The following IBTK variants were observed in gnomAD, a reference collection of about 807,000 sequenced individuals.
The protein encoded by IBTK is inhibitor of Bruton tyrosine kinase.
A neutral mutation model predicts 154.9 loss-of-function variants in IBTK; 83 were observed. The ratio of observed to expected loss-of-function variants is 0.54; its 90% CI spans 0.45 to 0.64. The LOEUF (loss-of-function observed/expected upper bound fraction) is 0.64. Ranked by LOEUF, IBTK falls within the 30% of genes least tolerant of loss-of-function variation. The probability of loss-of-function intolerance (pLI) is 0.00; values close to 1 mark genes in which losing one functional copy is unlikely to be tolerated. For missense variants in IBTK, 1,332 were observed against 1,584.6 expected (o/e 0.84, Z 2.71); for synonymous variants, 515 against 536.1 (o/e 0.96, Z 0.54).
intron 18 of IBTK, among the ~76,000 whole-genome samples, chr6:82,201,983 C>T (rs1267167880): frequency 2.6e-5 from 4 of 152,124 alleles, no homozygotes; most frequent in Non-Finnish European, 4.4e-5. Context: ...GCCTCAGCCT[C>T]CCAAAGTGCT....
Position 82,170,020 on chromosome 6 carries a change from T to C in IBTK, c.*1405A>G, listed in dbSNP as rs539420519. On this transcript the variant is annotated 3_prime_UTR_variant, in exon 29 of 29. Coordinates refer to ENST00000306270, the MANE Select transcript of IBTK (RefSeq NM_015525.4). The stretch of plus-strand genomic sequence containing the variant: ...AAAGGCTTCTTTACTGCAACATCAA[T>C]AGAACATTTATAAAATTCATTTCTC... The C allele has an allele frequency of 3.9e-4, 60 of 152,342 alleles. 1 individual carries two copies. The highest frequency in any genetic ancestry group is 1.4e-3 in the African/African-American group (58 of 41,576). 9.4% of individuals were successfully genotyped at this position (152,342 alleles called of 1,614,324 possible). A position where few individuals can be genotyped will look rare whatever the true frequency, so the allele number is the denominator to read the frequency against.
intron 9 of IBTK, 111 bp downstream of exon 9, chr6:82,220,479 T>C: frequency 8.7e-7 from 1 of 1,151,950 alleles, no homozygotes; most frequent in Non-Finnish European, 1.2e-6. Context: ...ATACTAATCA[T>C]CAAAGTCAAT....
chr6:82,178,429 C>G (rs1203798866), intron 26 of IBTK, among the ~76,000 whole-genome samples: 1 of 152,034 alleles, frequency 6.6e-6, no homozygotes, highest in East Asian at 1.9e-4. Context: ...TCTTAATTTT[C>G]ATACCTTTAA....
intron 25 of IBTK, among the ~76,000 whole-genome samples, chr6:82,184,522 T>C (rs1768469324): frequency 6.6e-6 from 1 of 152,224 alleles, no homozygotes; most frequent in African/African-American, 2.4e-5. Context: ...TTTTGAGAAG[T>C]AGCCAAATCC....
intron 2 of IBTK, among the ~76,000 whole-genome samples, chr6:82,236,903 G>A (rs1224156027): frequency 6.6e-6 from 1 of 152,186 alleles, no homozygotes; most frequent in Non-Finnish European, 1.5e-5. Flanking sequence ...GTTAATACAG[G>A]ATTTAGGGGA....
intron 8 of IBTK, among the ~76,000 whole-genome samples, chr6:82,221,884 G>A (rs1770113808): frequency 6.6e-6 from 1 of 152,110 alleles, no homozygotes; most frequent in South Asian, 2.1e-4. Flanking sequence ...GTAACTTTCT[G>A]CCAGGTGCAG....
intron 21 of IBTK, among the ~76,000 whole-genome samples, chr6:82,197,547 A>G (rs1241293293): frequency 6.6e-6 from 1 of 151,426 alleles, no homozygotes; most frequent in Non-Finnish European, 1.5e-5. Flanking sequence ...TTTTTTTTGT[A>G]TTTTTACTAG....
chr6:82,172,522 T>G lies in IBTK; in HGVS notation c.3798-10A>C. 1 of 1,594,752 alleles carries G rather than the reference T, an allele frequency of 6.3e-7. No homozygotes were observed. The highest frequency in any genetic ancestry group is 8.5e-7 in the Non-Finnish European group (1 of 1,174,642). On this transcript the variant is annotated splice_polypyrimidine_tract_variant and intron_variant, in intron 27 of 28. Transcript: ENST00000306270. ...AGAAGATAGCCAGGGACTGAAAGAA[T>G]AATAATAATGAGTTTCATTCATCTT...
Position 82,181,941 on chromosome 6 carries a change from G to A in IBTK, c.3663C>T (p.Gly1221=), listed in dbSNP as rs200604745. 9.4e-6 allele frequency: 15 copies of A among 1,598,542 alleles called. No homozygotes were observed. Among genetic ancestry groups the A allele is most frequent in the African/African-American group, 2.7e-5 (2 of 73,926 alleles). The change falls in exon 26 of 29, where the codon GGC becomes GGT. Residue 1221 remains glycine (G), a synonymous_variant. Transcript: ENST00000306270. The part of the protein sequence containing the change: ...EKKSVTSHSS[G]DHVKKVSFKG... ...TAAAAGAAACTTTTTTGACATGATC[G>A]CCTGAACTATGGCTAGTAACAGACT... is the stretch of plus-strand genomic sequence containing the variant.
intron 27 of IBTK, chr6:82,172,772 C>A: frequency 8.7e-6 from 3 of 346,130 alleles, no homozygotes; most frequent in East Asian, 5.5e-5. Flanking sequence ...TGGAAGCTTT[C>A]GCAGAGATTA....
At chr6:82,186,779 T>C (rs1369508997) in intron 25 of IBTK, among the ~76,000 whole-genome samples, 1 of 152,154 alleles carries the variant, frequency 6.6e-6, no homozygotes, top group Non-Finnish European at 1.5e-5. Context: ...CTATAATTGG[T>C]CAGTTAGATA....
Position 82,216,299 on chromosome 6 carries a change from C to T in IBTK, c.1427-49G>A, listed in dbSNP as rs752229516. The T allele has an allele frequency of 2.5e-6, 3 of 1,192,632 alleles. No homozygotes were observed. In the South Asian group the frequency reaches 4.3e-5, roughly 17 times the overall value. The allele number at this position is 1,192,632 out of a possible 1,614,324, so 73.9% of individuals were successfully genotyped here. A position where few individuals can be genotyped will look rare whatever the true frequency, so the allele number is the denominator to read the frequency against. On this transcript the variant is annotated intron_variant, in intron 10 of 28. Transcript: ENST00000306270. ...ATTAATCAAGGCTTTACTGAAACTA[C>T]TAAAATGATTGAGAAGTAAATGGAA...
At chr6:82,191,523 T>C (rs1431057798) in intron 24 of IBTK, 1 of 572,088 alleles carries the variant, frequency 1.7e-6, no homozygotes, top group East Asian at 3.0e-5. Flanking sequence ...TTGGCTTTTG[T>C]AGCCAATAGT....
chr6:82,240,898 T>C, intron 1 of IBTK, 55 bp from the exon 2 acceptor site: 1 of 404,380 alleles, frequency 2.5e-6, no homozygotes, highest in Non-Finnish European at 4.3e-6. Flanking sequence ...CTCGCTCTCC[T>C]TGAGTACTTT....
chr6:82,234,352 TGAGACAGAA>T, intron 2 of IBTK, 97 bp from the exon 3 acceptor site: 1 of 372,898 alleles, frequency 2.7e-6, no homozygotes, highest in Non-Finnish European at 4.1e-6. Flanking sequence ...TTTTTTTTTT[TGAGACAGAA>T]TTTCGCTCTT....
chr6:82,193,994 T>C (rs1394390818), intron 23 of IBTK, among the ~76,000 whole-genome samples: 1 of 152,126 alleles, frequency 6.6e-6, no homozygotes, highest in Non-Finnish European at 1.5e-5. Context: ...CATTTGACTT[T>C]TCTAAATAAA....
intron 16 of IBTK, among the ~76,000 whole-genome samples, chr6:82,208,040 A>C (rs1255772017): frequency 1.3e-5 from 2 of 151,700 alleles, no homozygotes; most frequent in African/African-American, 4.9e-5. Context: ...GAGACCTTAT[A>C]TACAGCATGG....
At chr6:82,246,266 T>A (rs776677640) in intron 1 of IBTK, among the ~76,000 whole-genome samples, 1 of 152,024 alleles carries the variant, frequency 6.6e-6, no homozygotes, top group East Asian at 1.9e-4. Context: ...AGCTGGAGAC[T>A]CAAGCGATTC....
chr6:82,196,035 AG>A (rs1768973367), intron 22 of IBTK, among the ~76,000 whole-genome samples: 1 of 152,234 alleles, frequency 6.6e-6, no homozygotes, highest in South Asian at 2.1e-4. Context: ...ACATGTCTAT[AG>A]TGTTATTATA....
Sources: gnomAD v4.1 joint callset for allele counts (sites outside exome capture counted in the v4.1 genomes callset) on GRCh38, gnomAD v4.1.1 for gene constraint, MANE v1.5 for transcripts, NCBI Gene and HGNC (gene_info 2026-07-23, HGNC 2026-07-21) for gene names.